Variants in CSMD2 observed in about 807,000 individuals in gnomAD.
The protein encoded by CSMD2 is CUB and sushi domain-containing protein 2.
Under a neutral mutation model 398.5 loss-of-function variants are expected in CSMD2, and 130 were observed. The ratio of observed to expected loss-of-function variants is 0.33; its 90% CI spans 0.28 to 0.38. The LOEUF is 0.38. Among genes scored for constraint, CSMD2 ranks in the 10% least tolerant of loss-of-function variants. The pLI, the probability that CSMD2 is intolerant of heterozygous loss-of-function variation, is 1.00. For missense variants in CSMD2, 3,829 were observed against 4,764.9 expected (o/e 0.80, Z 5.78); for synonymous variants, 1,828 against 1,908.5 (o/e 0.96, Z 1.10).
At chr1:33,616,422 G>C (rs954650108) in intron 39 of CSMD2, among the ~76,000 whole-genome samples, 14 of 152,144 alleles carry the variant, frequency 9.2e-5, no homozygotes, top group Non-Finnish European at 1.5e-4. Context: ...ATTTTTAGTA[G>C]AGATGGGGTT....
At chr1:33,900,029 T>G (rs1642646090) in intron 5 of CSMD2, among the ~76,000 whole-genome samples, 1 of 152,024 alleles carries the variant, frequency 6.6e-6, no homozygotes, top group Non-Finnish European at 1.5e-5. Context: ...GCACGGAGCA[T>G]ATGCTGGGAG....
At chr1:34,119,375 A>T (rs1661934385) in intron 1 of CSMD2, among the ~76,000 whole-genome samples, 1 of 152,242 alleles carries the variant, frequency 6.6e-6, no homozygotes, top group Non-Finnish European at 1.5e-5. Context: ...GATTTCTTGG[A>T]TATGACAACA....
intron 3 of CSMD2, 55 bp downstream of exon 3, chr1:34,032,539 T>A: frequency 1.7e-6 from 2 of 1,144,538 alleles, no homozygotes; most frequent in Non-Finnish European, 2.5e-6. Flanking sequence ...GTCCTGCTTG[T>A]GGCTATTAGG....
chr1:33,719,118 G>A lies in CSMD2; in HGVS notation c.3002-2617C>T, dbSNP rs369589087. Among the ~76,000 whole-genome samples, 17 of 152,296 alleles carry A rather than the reference G, an allele frequency of 1.1e-4. No homozygotes were observed. The South Asian group carries it at 1.7e-3, about 15-fold the overall frequency. On this transcript the variant is annotated intron_variant, in intron 19 of 70. Transcript: ENST00000373381. Reference sequence around the variant, plus strand: ...GCCTCACTGGTTGGGAAGGCTTCACGGGGGTCAAAATCCTTGATGTGAAAA... The same window carrying A: ...GCCTCACTGGTTGGGAAGGCTTCACAGGGGTCAAAATCCTTGATGTGAAAA...
chr1:33,776,761 A>G (rs926222498), intron 12 of CSMD2, among the ~76,000 whole-genome samples: 2 of 151,974 alleles, frequency 1.3e-5, no homozygotes, highest in African/African-American at 4.8e-5. Flanking sequence ...AGAATGGCCA[A>G]AGTGTTATCC....
At chr1:34,083,363 A>AT (rs1414933824) in intron 2 of CSMD2, among the ~76,000 whole-genome samples, 8 of 152,090 alleles carry the variant, frequency 5.3e-5, no homozygotes, top group Non-Finnish European at 8.8e-5. Flanking sequence ...TTAAGTGATG[A>AT]TTTTTTCCCT....
chr1:33,737,379 A>G (rs2149240259), intron 15 of CSMD2, among the ~76,000 whole-genome samples: 1 of 152,306 alleles, frequency 6.6e-6, no homozygotes, highest in South Asian at 2.1e-4. Flanking sequence ...TGATCCCCCA[A>G]AGTGGAGCAA....
intron 27 of CSMD2, among the ~76,000 whole-genome samples, chr1:33,655,717 C>T (rs1297718408): frequency 6.6e-6 from 1 of 152,222 alleles, no homozygotes; most frequent in Non-Finnish European, 1.5e-5. Context: ...CAGCTAGACC[C>T]GCTCATGGCA....
intron 48 of CSMD2, among the ~76,000 whole-genome samples, chr1:33,579,520 T>C (rs1279430189): frequency 2.6e-5 from 4 of 151,748 alleles, no homozygotes; most frequent in Non-Finnish European, 5.9e-5. Flanking sequence ...TCTGGTTGGC[T>C]CTCCCCTGAA....
chr1:33,897,439 C>G (rs1400760067), intron 5 of CSMD2, among the ~76,000 whole-genome samples: 1 of 152,236 alleles, frequency 6.6e-6, no homozygotes, highest in Non-Finnish European at 1.5e-5. Flanking sequence ...GTTGAACTTT[C>G]TGGAAGCCAG....
intron 25 of CSMD2, among the ~76,000 whole-genome samples, chr1:33,689,707 A>G (rs1334928222): frequency 6.6e-6 from 1 of 152,194 alleles, no homozygotes; most frequent in African/African-American, 2.4e-5. Context: ...CCGCTATGCC[A>G]TGGATGAACA....
chr1:33,531,990 A>G (rs981118084), intron 64 of CSMD2, among the ~76,000 whole-genome samples: 1 of 152,260 alleles, frequency 6.6e-6, no homozygotes, highest in African/African-American at 2.4e-5. Flanking sequence ...AAAAACTTAA[A>G]TGTACTTTAA....
At chr1:33,673,910 T>G (rs1322345548) in intron 25 of CSMD2, among the ~76,000 whole-genome samples, 1 of 152,186 alleles carries the variant, frequency 6.6e-6, no homozygotes, top group Non-Finnish European at 1.5e-5. Context: ...AAGCAAATGC[T>G]GAGAGATTTT....
chr1:33,827,319 T>G (rs910198441), intron 6 of CSMD2, among the ~76,000 whole-genome samples: 1 of 152,230 alleles, frequency 6.6e-6, no homozygotes. Flanking sequence ...CCTCTCTGAC[T>G]CTGTATTTGG....
intron 2 of CSMD2, among the ~76,000 whole-genome samples, chr1:34,056,230 A>AT (rs1653814013): frequency 6.6e-6 from 1 of 152,156 alleles, no homozygotes; most frequent in Admixed American, 6.5e-5. Context: ...CTCCTCAGGA[A>AT]CACCTTCCCT....
chr1:33,895,438 G>A (rs1400542263), intron 5 of CSMD2, among the ~76,000 whole-genome samples: 1 of 152,160 alleles, frequency 6.6e-6, no homozygotes, highest in African/African-American at 2.4e-5. Flanking sequence ...AGGAGGTGTG[G>A]GCCAAAATTG....
intron 31 of CSMD2, among the ~76,000 whole-genome samples, chr1:33,634,447 C>T (rs762342400): frequency 7.9e-5 from 12 of 152,140 alleles, no homozygotes; most frequent in African/African-American, 1.4e-4. Flanking sequence ...CCTGGGTGGT[C>T]GGGACATGTT....
intron 1 of CSMD2, among the ~76,000 whole-genome samples, chr1:34,132,963 C>CA (rs1314578862): frequency 1.1e-4 from 14 of 121,764 alleles, no homozygotes; most frequent in Non-Finnish European, 1.8e-4. Context: ...CACACACACA[C>CA]ACCTTTTTTT....
At chr1:34,082,311 G>A (rs182203973) in intron 2 of CSMD2, among the ~76,000 whole-genome samples, 1,835 of 149,336 alleles carry the variant, frequency 0.012, 35 homozygotes, top group African/African-American at 0.041. Flanking sequence ...GAGCCCCTCT[G>A]CCCGGCCGCC....
Sources: allele counts gnomAD v4.1 joint callset (sites outside exome capture counted in the v4.1 genomes callset), GRCh38; gene constraint gnomAD v4.1.1; transcripts MANE v1.5; gene names NCBI Gene and HGNC (gene_info 2026-07-23, HGNC 2026-07-21).